Variants in PLSCR2 observed in about 807,000 individuals in gnomAD.
PLSCR2 encodes phospholipid scramblase 2.
Under a neutral mutation model 25.3 loss-of-function variants are expected in PLSCR2, and 18 were observed. That is an observed-to-expected ratio of 0.71 (90% CI 0.49 to 1.06). The LOEUF (loss-of-function observed/expected upper bound fraction) is 1.06. Among genes scored for constraint, PLSCR2 ranks in the 50% least tolerant of loss-of-function variants. The pLI is 0.00. For synonymous variants in PLSCR2, 88 were observed against 87.3 expected, an observed-to-expected ratio of 1.01 and a Z score of -0.04; for missense variants, 243 against 269.5, an observed-to-expected ratio of 0.90 and a Z score of 0.69.
chr3:146,436,598 T>C (rs1309126692), intron 8 of PLSCR2, among the ~76,000 whole-genome samples: 3 of 152,188 alleles, frequency 2.0e-5, no homozygotes, highest in African/African-American at 7.2e-5. Context: ...TGTATAGGAA[T>C]GCTTGTGATT....
chr3:146,423,234 CCTCTCTCTCTCT>C (rs200145864), intron 2 of PLSCR2, among the ~76,000 whole-genome samples: 549 of 53,464 alleles, frequency 0.01, 6 homozygotes, highest in East Asian at 0.038. Context: ...CCTTGCAGTG[CCTCTCTCTCTCT>C]CTCTCTCTCT....
chr3:146,423,619 A>C (rs2039236069), intron 2 of PLSCR2, among the ~76,000 whole-genome samples: 1 of 152,032 alleles, frequency 6.6e-6, no homozygotes, highest in Non-Finnish European at 1.5e-5. Context: ...TGTGCACCTT[A>C]AAATATTTTA....
At chr3:146,452,814 C>T (rs1354852078) in intron 5 of PLSCR2, among the ~76,000 whole-genome samples, 1 of 151,928 alleles carries the variant, frequency 6.6e-6, no homozygotes. Flanking sequence ...TTTTTATGGG[C>T]ATGAAAAGAA....
intron 1 of PLSCR2, among the ~76,000 whole-genome samples, chr3:146,484,048 G>A (rs1173164428): frequency 1.3e-5 from 2 of 151,596 alleles, no homozygotes; most frequent in African/African-American, 4.9e-5. Context: ...CATGATAGAA[G>A]GTTATAGGAG....
At chr3:146,484,871 A>G (rs989982412) in intron 1 of PLSCR2, among the ~76,000 whole-genome samples, 3 of 152,080 alleles carry the variant, frequency 2.0e-5, no homozygotes, top group African/African-American at 7.2e-5. Flanking sequence ...ACTATGAGGA[A>G]ACTGCAACTA....
chr3:146,412,877 G>C (rs1389300064), intron 2 of PLSCR2, among the ~76,000 whole-genome samples: 2 of 152,156 alleles, frequency 1.3e-5, no homozygotes, highest in Non-Finnish European at 2.9e-5. Flanking sequence ...GATGGTTACA[G>C]AACAGGTGAC....
At chr3:146,477,310 G>A (rs2042323922) in intron 1 of PLSCR2, among the ~76,000 whole-genome samples, 1 of 152,192 alleles carries the variant, frequency 6.6e-6, no homozygotes, top group Admixed American at 6.5e-5. Flanking sequence ...TGCAAAGGGT[G>A]GGGGGATTTC....
chr3:146,478,620 G>A (rs1038234860), intron 1 of PLSCR2, among the ~76,000 whole-genome samples: 3 of 152,198 alleles, frequency 2.0e-5, no homozygotes, highest in Non-Finnish European at 2.9e-5. Context: ...ACATCTGATT[G>A]GTGTACCTGA....
chr3:146,461,848 C>T, upstream of PLSCR2: 1 of 1,056,078 alleles, frequency 9.5e-7, no homozygotes, highest in Non-Finnish European at 1.4e-6. Flanking sequence ...GGAATTTAAG[C>T]AGAAGAGTGA....
chr3:146,478,175 C>A (rs951322573), intron 1 of PLSCR2, among the ~76,000 whole-genome samples: 1 of 152,190 alleles, frequency 6.6e-6, no homozygotes, highest in South Asian at 2.1e-4. Flanking sequence ...CCAGAGCACC[C>A]CTTCTCCTCC....
downstream of PLSCR2, among the ~76,000 whole-genome samples, chr3:146,428,534 G>GAATAGTAAGTTCAGAGCTCTGTGTA (rs1269503589): frequency 2.0e-5 from 3 of 152,130 alleles, no homozygotes; most frequent in African/African-American, 7.2e-5. Context: ...TGGTTTGTGG[G>GAATAGTAAGTTCAGAGCTCTGTGTA]AATAGTAAGT....
intron 2 of PLSCR2, among the ~76,000 whole-genome samples, chr3:146,425,755 G>A (rs2039321520): frequency 6.6e-6 from 1 of 152,124 alleles, no homozygotes; most frequent in South Asian, 2.1e-4. Context: ...ATCATCATGA[G>A]CAGACTGATG....
At chr3:146,400,615 AG>A (rs1337581860) in intron 2 of PLSCR2, among the ~76,000 whole-genome samples, 1 of 151,088 alleles carries the variant, frequency 6.6e-6, no homozygotes, top group African/African-American at 2.4e-5. Flanking sequence ...TTAATATGAT[AG>A]GTTTTTTTTT....
At chr3:146,456,375 C>T (rs180711890) in intron 3 of PLSCR2, among the ~76,000 whole-genome samples, 8 of 152,096 alleles carry the variant, frequency 5.3e-5, no homozygotes, top group Non-Finnish European at 8.8e-5. Context: ...TAAGAGTCTA[C>T]GGTGGGACTC....
intron 3 of PLSCR2, among the ~76,000 whole-genome samples, chr3:146,457,949 C>T (rs2041315438): frequency 6.6e-6 from 1 of 152,172 alleles, no homozygotes; most frequent in African/African-American, 2.4e-5. Context: ...TCCTAGGCTA[C>T]TCAAGTCCCT....
chr3:146,418,226 T>G (rs1365160703), intron 2 of PLSCR2, among the ~76,000 whole-genome samples: 1 of 152,194 alleles, frequency 6.6e-6, no homozygotes, highest in Non-Finnish European at 1.5e-5. Context: ...ATTTCTTTCT[T>G]GGTTCCCCTA....
intron 1 of PLSCR2, among the ~76,000 whole-genome samples, chr3:146,475,309 C>G (rs181468324): frequency 6.6e-6 from 1 of 151,886 alleles, no homozygotes; most frequent in Non-Finnish European, 1.5e-5. Context: ...GGCTGCTGAC[C>G]CTTGCATGGG....
intron 1 of PLSCR2, among the ~76,000 whole-genome samples, chr3:146,467,249 T>C (rs2041914093): frequency 1.3e-5 from 2 of 152,164 alleles, no homozygotes; most frequent in Non-Finnish European, 2.9e-5. Flanking sequence ...CAACTGAAAT[T>C]GTAGTAGTAA....
At chr3:146,434,816 C>A (rs1000092130) in intron 8 of PLSCR2, among the ~76,000 whole-genome samples, 1 of 151,860 alleles carries the variant, frequency 6.6e-6, no homozygotes, top group East Asian at 1.9e-4. Flanking sequence ...TACATGTGCA[C>A]AATGTGCAGG....
Sources: gnomAD v4.1 joint callset for allele counts (sites outside exome capture counted in the v4.1 genomes callset) on GRCh38, gnomAD v4.1.1 for gene constraint, MANE v1.5 for transcripts, NCBI Gene and HGNC (gene_info 2026-07-23, HGNC 2026-07-21) for gene names.